The following ADGRL3 variants were observed in gnomAD, a reference collection of about 807,000 sequenced individuals.
ADGRL3 encodes the protein calcium-independent alpha-latrotoxin receptor 3.
In ADGRL3, 62 loss-of-function variants were observed where a neutral mutation model predicts 153.5. That is an observed-to-expected ratio of 0.40 (90% CI 0.33 to 0.50). The LOEUF (loss-of-function observed/expected upper bound fraction) is 0.50. Ranked by LOEUF, ADGRL3 falls within the 20% of genes least tolerant of loss-of-function variation. The probability of loss-of-function intolerance (pLI) is 0.47; values close to 1 mark genes in which losing one functional copy is unlikely to be tolerated. For synonymous variants in ADGRL3, 710 were observed against 672.5 expected (o/e 1.06, Z -0.86); for missense variants, 1,641 against 1,859.4 (o/e 0.88, Z 2.16).
chr4:61,772,727 C>A (rs1304605313), intron 8 of ADGRL3, among the ~76,000 whole-genome samples: 1 of 152,108 alleles, frequency 6.6e-6, no homozygotes, highest in Admixed American at 6.6e-5. Flanking sequence ...ATATGAAGGG[C>A]AGCTCTCATT....
intron 16 of ADGRL3, 87 bp downstream of exon 16, chr4:61,947,209 G>T (rs1430609335): frequency 2.7e-6 from 3 of 1,094,740 alleles, no homozygotes; most frequent in African/African-American, 1.6e-5. Context: ...TTCTTTTAAT[G>T]TTTTTTCTAT....
intron 6 of ADGRL3, among the ~76,000 whole-genome samples, chr4:61,720,339 C>T (rs768856566): frequency 2.0e-5 from 3 of 152,126 alleles, no homozygotes; most frequent in Non-Finnish European, 4.4e-5. Context: ...CCACACACCT[C>T]GGCCTCCCAA....
At chr4:61,391,528 T>C (rs1393400029) in intron 2 of ADGRL3, among the ~76,000 whole-genome samples, 1 of 152,202 alleles carries the variant, frequency 6.6e-6, no homozygotes, top group East Asian at 1.9e-4. Flanking sequence ...AACATTCATT[T>C]GCAATGTGTG....
rs146332832 is a variant in ADGRL3, at chr4:62,044,773, A to G, written c.3814+224A>G. Among the ~76,000 whole-genome samples the G allele has an allele frequency of 1.1e-3, 169 of 152,138 alleles. 3 individuals are homozygous for G. In the East Asian group the frequency reaches 0.025, roughly 23 times the overall value. On this transcript the variant is annotated intron_variant, in intron 25 of 26. Coordinates refer to ENST00000683033, the MANE Select transcript of ADGRL3 (RefSeq NM_001387552.1). ...TTTCCAAAAGGAAATTAGAAAATAA[A>G]AAACTTTTTTTCCTAGTCATCTGCT...
chr4:61,300,796 C>A (rs1242658099), intron 1 of ADGRL3, among the ~76,000 whole-genome samples: 1 of 145,632 alleles, frequency 6.9e-6, no homozygotes. Flanking sequence ...GACAGAGTCT[C>A]GCTCTGGCAC....
At chr4:61,770,473 G>A (rs1354707359) in intron 8 of ADGRL3, among the ~76,000 whole-genome samples, 1 of 152,056 alleles carries the variant, frequency 6.6e-6, no homozygotes, top group Non-Finnish European at 1.5e-5. Flanking sequence ...TTTCTCTGAG[G>A]GCATTTTGAG....
At chr4:61,457,491 G>A (rs2097767165) in intron 2 of ADGRL3, among the ~76,000 whole-genome samples, 1 of 151,872 alleles carries the variant, frequency 6.6e-6, no homozygotes, top group Admixed American at 6.6e-5. Context: ...TCATGTAACA[G>A]TTATGTTCTG....
chr4:61,859,761 C>T (rs2098321199), intron 9 of ADGRL3, among the ~76,000 whole-genome samples: 1 of 152,118 alleles, frequency 6.6e-6, no homozygotes, highest in African/African-American at 2.4e-5. Flanking sequence ...TGATCTATTT[C>T]TGTGGTGTGT....
intron 3 of ADGRL3, among the ~76,000 whole-genome samples, chr4:61,498,555 A>T: frequency 6.6e-6 from 1 of 152,280 alleles, no homozygotes; most frequent in East Asian, 1.9e-4. Flanking sequence ...GTCTCAAAAA[A>T]AAAATGAAAA....
At chr4:61,973,762 G>C (rs2099037797) in intron 17 of ADGRL3, among the ~76,000 whole-genome samples, 1 of 151,822 alleles carries the variant, frequency 6.6e-6, no homozygotes, top group Non-Finnish European at 1.5e-5. Flanking sequence ...TACAGACCCT[G>C]ACAAAATTTT....
intron 4 of ADGRL3, among the ~76,000 whole-genome samples, chr4:61,547,848 T>G (rs2098721192): frequency 6.6e-6 from 1 of 152,134 alleles, no homozygotes; most frequent in African/African-American, 2.4e-5. Flanking sequence ...ACACAGTGGC[T>G]GAATAAATTT....
At chr4:61,386,964 A>G (rs77437030) in intron 2 of ADGRL3, among the ~76,000 whole-genome samples, 423 of 152,314 alleles carry the variant, frequency 2.8e-3, no homozygotes, top group Middle Eastern at 0.017. Flanking sequence ...AGTTGTGAAA[A>G]TATCACCAAA....
rs75881479 is a variant in ADGRL3, at chr4:61,500,453, T to G, written c.55+3105T>G. On this transcript the variant is annotated intron_variant, in intron 3 of 26. Coordinates refer to ENST00000683033, the MANE Select transcript of ADGRL3 (RefSeq NM_001387552.1). ...ATGTACCTTTGATCAAGTGCTGAAA[T>G]ATAATAGGATAGGAATTTTTAGAGT... Among the ~76,000 whole-genome samples the G allele has an allele frequency of 5.3e-4, 80 of 152,308 alleles. No homozygotes were observed. The East Asian group carries it at 0.014, about 28-fold the overall frequency.
chr4:61,635,500 T>A (rs914258199), intron 5 of ADGRL3, among the ~76,000 whole-genome samples: 2 of 152,106 alleles, frequency 1.3e-5, no homozygotes, highest in Non-Finnish European at 2.9e-5. Context: ...AGTTGAGGTA[T>A]ACCTCTCATG....
intron 19 of ADGRL3, among the ~76,000 whole-genome samples, chr4:61,989,642 G>C (rs1389118375): frequency 6.6e-6 from 1 of 151,892 alleles, no homozygotes; most frequent in Non-Finnish European, 1.5e-5. Flanking sequence ...TAAGAATTCT[G>C]GGTTAAGCAT....
chr4:61,718,580 C>T (rs2096173857), intron 6 of ADGRL3, among the ~76,000 whole-genome samples: 1 of 152,080 alleles, frequency 6.6e-6, no homozygotes. Flanking sequence ...ATAGTACTTA[C>T]AGTGAATATA....
chr4:62,030,021 C>T (rs750487585), intron 22 of ADGRL3, among the ~76,000 whole-genome samples: 46 of 151,336 alleles, frequency 3.0e-4, no homozygotes, highest in Non-Finnish European at 4.3e-4. Context: ...GCAAAACTCC[C>T]TTAGAGATTT....
At chr4:61,380,100 T>A (rs2096649569) in intron 1 of ADGRL3, among the ~76,000 whole-genome samples, 1 of 151,976 alleles carries the variant, frequency 6.6e-6, no homozygotes, top group African/African-American at 2.4e-5. Flanking sequence ...TATTTATACA[T>A]ATATCTATTA....
intron 1 of ADGRL3, among the ~76,000 whole-genome samples, chr4:61,240,662 G>C (rs1333922163): frequency 6.6e-6 from 1 of 152,006 alleles, no homozygotes; most frequent in Admixed American, 6.6e-5. Flanking sequence ...AGTTCAATGG[G>C]TATGTAGAGC....
Sources: gnomAD v4.1 joint callset for allele counts (sites outside exome capture counted in the v4.1 genomes callset) on GRCh38, gnomAD v4.1.1 for gene constraint, MANE v1.5 for transcripts, NCBI Gene and HGNC (gene_info 2026-07-23, HGNC 2026-07-21) for gene names.